FGFR2: variants seen among roughly 807,000 people sequenced by gnomAD.
FGFR2 encodes fibroblast growth factor receptor 2, also known as BEK fibroblast growth factor receptor.
A neutral mutation model predicts 95.9 loss-of-function variants in FGFR2; 19 were observed. That is an observed-to-expected ratio of 0.20 (90% confidence interval 0.14 to 0.29). The LOEUF (loss-of-function observed/expected upper bound fraction) is 0.29. FGFR2 is among the 10% of genes least tolerant of loss of function. The pLI is 1.00. For synonymous variants in FGFR2, 392 were observed against 393.3 expected, an observed-to-expected ratio of 1.00 and a Z score of 0.04; for missense variants, 707 against 1,056.9, an observed-to-expected ratio of 0.67 and a Z score of 4.59.
rs1210433787 is a variant in FGFR2 at position 121,517,523 on chromosome 10, G to A, written c.940-60C>T. The A allele has an allele frequency of 6.2e-7, 1 of 1,607,724 alleles. No homozygotes were observed. Among genetic ancestry groups the A allele is most frequent in the Non-Finnish European group, 8.5e-7 (1 of 1,175,044 alleles). Reference sequence around the variant, plus strand: ...CGACACAGGAATGATTGTGGAGGGGGCTGTGGAACCACAAGGCGTCGCACC... The same window carrying A: ...CGACACAGGAATGATTGTGGAGGGGACTGTGGAACCACAAGGCGTCGCACC... On this transcript the variant is annotated intron_variant, in intron 7 of 17. Transcript: ENST00000358487. The surrounding 1 kb of genome is among the most constrained non-coding windows in gnomAD (Gnocchi z 4.7).
chr10:121,571,968 G>C (rs1282075682), intron 2 of FGFR2, among the ~76,000 whole-genome samples: 1 of 149,712 alleles, frequency 6.7e-6, no homozygotes, highest in Non-Finnish European at 1.5e-5. Context: ...AAAAAAAATT[G>C]ACTGTTTTGA....
At chr10:121,537,237 G>A (rs1032404132) in intron 6 of FGFR2, among the ~76,000 whole-genome samples, 2 of 152,188 alleles carry the variant, frequency 1.3e-5, no homozygotes, top group African/African-American at 4.8e-5. Context: ...GAAGGCTTCT[G>A]AAGAACAAAA....
chr10:121,572,928 G>C (rs1211768759), intron 2 of FGFR2, among the ~76,000 whole-genome samples: 3 of 152,236 alleles, frequency 2.0e-5, no homozygotes, highest in African/African-American at 7.2e-5. Flanking sequence ...GATAGCCCCA[G>C]GAGGGGGAAA....
At chr10:121,536,144 T>C (rs1469392596) in intron 6 of FGFR2, among the ~76,000 whole-genome samples, 1 of 152,232 alleles carries the variant, frequency 6.6e-6, no homozygotes, top group Non-Finnish European at 1.5e-5. Flanking sequence ...ATCCTTTTTG[T>C]TTCCACTTGC....
At chr10:121,542,168 C>T (rs1160823429) in intron 5 of FGFR2, among the ~76,000 whole-genome samples, 1 of 151,800 alleles carries the variant, frequency 6.6e-6, no homozygotes, top group Non-Finnish European at 1.5e-5. Context: ...TTCATGATTC[C>T]AATTTATTTA....
At chr10:121,590,472 T>C (rs766415823) in intron 2 of FGFR2, among the ~76,000 whole-genome samples, 5 of 152,210 alleles carry the variant, frequency 3.3e-5, no homozygotes, top group African/African-American at 9.7e-5. Flanking sequence ...ACTCCTCTGC[T>C]GGTGCCCTAT....
At chr10:121,492,186 C>T (rs942282457) in intron 13 of FGFR2, among the ~76,000 whole-genome samples, 13 of 151,918 alleles carry the variant, frequency 8.6e-5, no homozygotes, top group Middle Eastern at 3.2e-3. Flanking sequence ...AAAACAAAAA[C>T]GAAAAACAAA....
In FGFR2 at chr10:121,598,344, C is replaced by T; in HGVS notation, c.-533G>A. ...AGTCGCCGCGCCGGGCCAGGTACGC[C>T]GCATGCAGCCCCGCGGCGCCCGAGC... On this transcript the variant is annotated 5_prime_UTR_variant, in exon 1 of 18. Coordinates refer to ENST00000358487, the MANE Select transcript of FGFR2 (RefSeq NM_000141.5). 1 of 262,092 alleles carries T rather than the reference C, an allele frequency of 3.8e-6. No homozygotes were observed. Among genetic ancestry groups the T allele is most frequent in the East Asian group, 6.0e-5 (1 of 16,536 alleles). 16.2% of individuals were successfully genotyped at this position (262,092 alleles called of 1,614,324 possible).
chr10:121,587,319 G>A (rs1318545287), intron 2 of FGFR2, among the ~76,000 whole-genome samples: 1 of 152,104 alleles, frequency 6.6e-6, no homozygotes, highest in African/African-American at 2.4e-5. Flanking sequence ...GACAACTTAG[G>A]CAATATACCA....
In FGFR2 at chr10:121,500,678, C is replaced by T. The variant is rs150297846; in HGVS notation, c.1561+148G>A. 592 of 1,119,110 alleles carry T rather than the reference C, an allele frequency of 5.3e-4. 2 individuals carry two copies. In the African/African-American group the frequency reaches 7.6e-3, roughly 14 times the overall value. 69.3% of individuals were successfully genotyped at this position (1,119,110 alleles called of 1,614,324 possible). A position where few individuals can be genotyped will look rare whatever the true frequency, so the allele number is the denominator to read the frequency against. ...CAAGATAAATAGTCTGTCCGAGATG[C>T]TGATTTATACCGAAAACTTCTCAAC... On this transcript the variant is annotated intron_variant, in intron 11 of 17. Transcript: ENST00000358487.
At position 121,503,770 on chromosome 10, in the gene FGFR2, T is replaced by C. The variant is rs761883177; in HGVS notation, c.1439+20A>G. ...ATAGCTGAGTCTCCATCCTGGGACA[T>C]GGCCAAGAGAAGTACTCACTTATCT... On this transcript the variant is annotated intron_variant, in intron 10 of 17. Coordinates refer to ENST00000358487, the MANE Select transcript of FGFR2 (RefSeq NM_000141.5). The C allele has an allele frequency of 3.7e-6, 6 of 1,613,908 alleles. No homozygotes were observed. Among genetic ancestry groups the C allele is most frequent in the Non-Finnish European group, 5.1e-6 (6 of 1,179,934 alleles).
intron 6 of FGFR2, among the ~76,000 whole-genome samples, chr10:121,534,047 A>T (rs1852454746): frequency 6.7e-6 from 1 of 150,006 alleles, no homozygotes; most frequent in Non-Finnish European, 1.5e-5. Flanking sequence ...TCAGCAGGAA[A>T]TGTCAATGTC....
At chr10:121,520,605 T>A (rs1850398867) in intron 6 of FGFR2, among the ~76,000 whole-genome samples, 1 of 152,266 alleles carries the variant, frequency 6.6e-6, no homozygotes, top group African/African-American at 2.4e-5. Flanking sequence ...ACACTCTGAA[T>A]ACCAAAAATG....
At chr10:121,487,891 C>T (rs2133831087) in intron 14 of FGFR2, 100 bp downstream of exon 14, 1 of 1,491,718 alleles carries the variant, frequency 6.7e-7, no homozygotes, top group Non-Finnish European at 9.3e-7. Flanking sequence ...AATGGGTCCC[C>T]AGCCATCCCA....
chr10:121,526,351 T>C (rs890725061), intron 6 of FGFR2, among the ~76,000 whole-genome samples: 3 of 152,050 alleles, frequency 2.0e-5, no homozygotes, highest in African/African-American at 2.4e-5. Context: ...GCATGGTTAT[T>C]AGGAGGAGGA....
chr10:121,559,975 T>C (rs1194052310), intron 4 of FGFR2, among the ~76,000 whole-genome samples: 2 of 152,128 alleles, frequency 1.3e-5, no homozygotes, highest in Admixed American at 6.5e-5. Flanking sequence ...GACAACGCAG[T>C]TCCCCAGGCA....
At chr10:121,500,976 T>C (rs746580527) in intron 10 of FGFR2, 29 bp from the exon 11 acceptor site, 9 of 1,612,616 alleles carry the variant, frequency 5.6e-6, no homozygotes, top group Middle Eastern at 1.6e-4. Context: ...GATTAGCACA[T>C]AGCATCTGGT....
rs2134051916 is a variant in FGFR2 at position 121,503,771 on chromosome 10, G to C, written c.1439+19C>G. The C allele has an allele frequency of 6.2e-7, 1 of 1,613,700 alleles. No individual in the cohort carries two copies. Among genetic ancestry groups the C allele is most frequent in the Non-Finnish European group, 8.5e-7 (1 of 1,179,672 alleles). On this transcript the variant is annotated intron_variant, in intron 10 of 17. Coordinates refer to ENST00000358487, the MANE Select transcript of FGFR2 (RefSeq NM_000141.5). Reference sequence around the variant, plus strand: ...TAGCTGAGTCTCCATCCTGGGACATGGCCAAGAGAAGTACTCACTTATCTC... The same window carrying C: ...TAGCTGAGTCTCCATCCTGGGACATCGCCAAGAGAAGTACTCACTTATCTC...
intron 4 of FGFR2, among the ~76,000 whole-genome samples, chr10:121,563,906 G>A (rs541900595): frequency 1.7e-4 from 26 of 152,294 alleles, no homozygotes; most frequent in African/African-American, 5.5e-4. Context: ...TAAGGCACAC[G>A]TCCTTCATTT....
Sources: allele counts gnomAD v4.1 joint callset (sites outside exome capture counted in the v4.1 genomes callset), GRCh38; gene constraint gnomAD v4.1.1; non-coding constraint Gnocchi (gnomAD v3.1); transcripts MANE v1.5; gene names NCBI Gene and HGNC (gene_info 2026-07-23, HGNC 2026-07-21).